MAMLD1: variants seen among roughly 807,000 people sequenced by gnomAD.
MAMLD1 encodes the protein mastermind-like domain-containing protein 1.
In MAMLD1, 14 loss-of-function variants were observed where a neutral mutation model predicts 45.0. That is an observed-to-expected ratio of 0.31 (90% CI 0.21 to 0.49). MAMLD1 has a LOEUF of 0.49. Among genes scored for constraint, MAMLD1 ranks in the 20% least tolerant of loss-of-function variants. The pLI is 0.99. For missense variants in MAMLD1, 543 were observed against 603.6 expected, an observed-to-expected ratio of 0.90 and a Z score of 1.05; for synonymous variants, 254 against 247.8, an observed-to-expected ratio of 1.02 and a Z score of -0.24.
chrX:150,450,909 C>T, intron 2 of MAMLD1, among the ~76,000 whole-genome samples: 1 of 112,890 alleles, frequency 8.9e-6, no homozygotes, highest in African/African-American at 3.2e-5. Flanking sequence ...CGCAGCTGTT[C>T]GCTCCCTTTG....
chrX:150,512,646 G>A lies in MAMLD1; in HGVS notation c.*687G>A. 8.7e-7 allele frequency: 1 copy of A among 1,149,008 alleles called. No homozygotes were observed. The highest frequency in any genetic ancestry group is 1.2e-6 in the Non-Finnish European group (1 of 868,772). The allele number at this position is 1,149,008 out of a possible 1,213,427, so 94.7% of individuals were successfully genotyped here. ...AGCCTCAGGCAGAGCCCGGTACAGGGCCCGGTGCCTGTAGCAAACACCACC... is the reference window on the plus strand; with the variant it reads ...AGCCTCAGGCAGAGCCCGGTACAGGACCCGGTGCCTGTAGCAAACACCACC... On this transcript the variant is annotated 3_prime_UTR_variant, in exon 8 of 8. Transcript: ENST00000370401.
intron 5 of MAMLD1, among the ~76,000 whole-genome samples, chrX:150,501,600 A>G (rs1238651654): frequency 2.7e-5 from 3 of 112,400 alleles, no homozygotes; most frequent in African/African-American, 9.7e-5. Flanking sequence ...CTAAGATTTC[A>G]TGGGTTTTCT....
chrX:150,492,175 G>A (rs955858682), intron 5 of MAMLD1, among the ~76,000 whole-genome samples: 33 of 112,549 alleles, frequency 2.9e-4, no homozygotes, highest in Admixed American at 8.4e-4. Context: ...CTGCTCCCCC[G>A]TTCTAATGTG....
At chrX:150,483,126 G>A (rs1392126192) in intron 5 of MAMLD1, among the ~76,000 whole-genome samples, 1 of 112,277 alleles carries the variant, frequency 8.9e-6, no homozygotes, top group African/African-American at 3.2e-5. Context: ...CAACTACAGG[G>A]AGAACCAGCT....
At chrX:150,383,691 C>A (rs971788114) in intron 1 of MAMLD1, among the ~76,000 whole-genome samples, 1 of 111,450 alleles carries the variant, frequency 9.0e-6, no homozygotes, top group Non-Finnish European at 1.9e-5. Flanking sequence ...GTACCATCAT[C>A]ACCAGTATCT....
chrX:150,389,697 T>C (rs2033092717), intron 1 of MAMLD1, among the ~76,000 whole-genome samples: 1 of 112,322 alleles, frequency 8.9e-6, no homozygotes, highest in African/African-American at 3.2e-5. Flanking sequence ...AGATTCTGTC[T>C]AGCAGTTGTA....
intron 1 of MAMLD1, among the ~76,000 whole-genome samples, chrX:150,409,418 G>A (rs1457608339): frequency 9.0e-6 from 1 of 110,773 alleles, no homozygotes; most frequent in Non-Finnish European, 1.9e-5. Context: ...CCAAGCTCGC[G>A]ATTGGAGGCC....
intron 1 of MAMLD1, among the ~76,000 whole-genome samples, chrX:150,364,421 C>T (rs1332007442): frequency 1.8e-5 from 2 of 113,150 alleles, no homozygotes; most frequent in Non-Finnish European, 3.8e-5. Flanking sequence ...AAGCTCGGCC[C>T]TGAAGCCATC....
At chrX:150,369,308 T>TGAGTCC (rs1341925431) in intron 1 of MAMLD1, among the ~76,000 whole-genome samples, 11 of 112,035 alleles carry the variant, frequency 9.8e-5, no homozygotes, top group African/African-American at 3.3e-4. Context: ...CCTCTGAGTC[T>TGAGTCC]GAGTCCCTTC....
At chrX:150,403,291 G>C (rs1557402547) in intron 1 of MAMLD1, among the ~76,000 whole-genome samples, 1 of 111,407 alleles carries the variant, frequency 9.0e-6, no homozygotes, top group East Asian at 2.8e-4. Flanking sequence ...TAGTTGCCAG[G>C]GACTGAGGTG....
chrX:150,502,944 G>T (rs782204258), intron 5 of MAMLD1, among the ~76,000 whole-genome samples: 1 of 111,937 alleles, frequency 8.9e-6, no homozygotes, highest in Non-Finnish European at 1.9e-5. Context: ...CAAGCCAGGG[G>T]AGTCTTCACA....
At chrX:150,426,971 A>G (rs113587751) in intron 1 of MAMLD1, among the ~76,000 whole-genome samples, 7,874 of 111,962 alleles carry the variant, frequency 0.07, 264 homozygotes, top group African/African-American at 0.13. Flanking sequence ...GAAGTCCAAG[A>G]TCAAGGTGTG....
intron 2 of MAMLD1, among the ~76,000 whole-genome samples, chrX:150,456,633 A>G (rs782395756): frequency 8.9e-6 from 1 of 112,057 alleles, no homozygotes; most frequent in African/African-American, 3.2e-5. Flanking sequence ...CGCATCCTGT[A>G]TGTGTATAAA....
intron 1 of MAMLD1, among the ~76,000 whole-genome samples, chrX:150,397,231 A>G (rs1264275541): frequency 8.9e-6 from 1 of 111,798 alleles, no homozygotes; most frequent in African/African-American, 3.3e-5. Flanking sequence ...TATGGAATTT[A>G]GTATCAAATT....
intron 5 of MAMLD1, among the ~76,000 whole-genome samples, chrX:150,501,109 A>G (rs782649838): frequency 8.9e-6 from 1 of 111,847 alleles, no homozygotes; most frequent in East Asian, 2.8e-4. Context: ...TGCGTATGTT[A>G]TGCTGATGGG....
At chrX:150,369,634 T>C (rs1309458724) in intron 1 of MAMLD1, among the ~76,000 whole-genome samples, 1 of 112,150 alleles carries the variant, frequency 8.9e-6, no homozygotes, top group Non-Finnish European at 1.9e-5. Flanking sequence ...CTCCTAATCA[T>C]TGGGTTGGTA....
chrX:150,403,321 T>A (rs2124522988), intron 1 of MAMLD1, among the ~76,000 whole-genome samples: 1 of 111,340 alleles, frequency 9.0e-6, no homozygotes, highest in African/African-American at 3.3e-5. Flanking sequence ...GGATGATGAG[T>A]GACTGGTAGT....
At chrX:150,428,918 G>A (rs1298970533) in intron 1 of MAMLD1, among the ~76,000 whole-genome samples, 1 of 111,934 alleles carries the variant, frequency 8.9e-6, no homozygotes, top group Non-Finnish European at 1.9e-5. Flanking sequence ...GGCTCCGGGT[G>A]TCACAAAGGG....
At chrX:150,500,034 A>T (rs2037505034) in intron 5 of MAMLD1, among the ~76,000 whole-genome samples, 1 of 112,214 alleles carries the variant, frequency 8.9e-6, no homozygotes, top group Admixed American at 9.4e-5. Context: ...AGTTTATTGA[A>T]TTTTGCAAGT....
Sources: gnomAD v4.1 joint callset for allele counts (sites outside exome capture counted in the v4.1 genomes callset) on GRCh38, gnomAD v4.1.1 for gene constraint, MANE v1.5 for transcripts, NCBI Gene and HGNC (gene_info 2026-07-23, HGNC 2026-07-21) for gene names.